Variants in SLAMF9 observed in about 807,000 individuals in gnomAD.
SLAMF9 encodes the protein CD2 family member 10.
SLAMF9 carries 25 observed loss-of-function variants against 30.4 expected under a neutral mutation model. The ratio of observed to expected loss-of-function variants is 0.82; its 90% CI spans 0.60 to 1.15. The LOEUF (loss-of-function observed/expected upper bound fraction) is 1.15. SLAMF9 is among the 50% of genes most tolerant of loss of function. The pLI, the probability that SLAMF9 is intolerant of heterozygous loss-of-function variation, is 0.00. For synonymous variants in SLAMF9, 129 were observed against 127.2 expected (o/e 1.01, Z -0.09); for missense variants, 344 against 346.1 (o/e 0.99, Z 0.05).
the SLAMF9 span, among the ~76,000 whole-genome samples, chr1:159,969,016 T>G: frequency 1.3e-5 from 2 of 150,780 alleles, no homozygotes; most frequent in African/African-American, 4.9e-5. Context: ...GACTCCAGCC[T>G]GAGTGACAAA....
chr1:159,982,939 G>T, the SLAMF9 span: 1 of 152,388 alleles, frequency 6.6e-6, no homozygotes, highest in South Asian at 2.1e-4. Flanking sequence ...TGAGGCAGGA[G>T]AATCGCTTGA....
the SLAMF9 span, among the ~76,000 whole-genome samples, chr1:159,981,972 C>T: frequency 2.6e-5 from 4 of 152,232 alleles, no homozygotes; most frequent in African/African-American, 9.6e-5. Context: ...TCTGAAGTCT[C>T]TCCTGACCAC....
upstream of SLAMF9, among the ~76,000 whole-genome samples, chr1:159,957,987 C>A (rs1651963466): frequency 6.6e-6 from 1 of 152,160 alleles, no homozygotes; most frequent in African/African-American, 2.4e-5. Flanking sequence ...CCAGAAGGGC[C>A]TCAGACCTTG....
At chr1:159,969,762 G>A in the SLAMF9 span, among the ~76,000 whole-genome samples, 1 of 152,164 alleles carries the variant, frequency 6.6e-6, no homozygotes, top group African/African-American at 2.4e-5. Context: ...GTGTTTATTA[G>A]CTGGGTGCAG....
At chr1:159,970,075 G>GATAA in the SLAMF9 span, among the ~76,000 whole-genome samples, 1 of 151,956 alleles carries the variant, frequency 6.6e-6, no homozygotes, top group Non-Finnish European at 1.5e-5. Flanking sequence ...TAAATAAATA[G>GATAA]ATAAATAAAT....
chr1:159,983,341 G>C, the SLAMF9 span: 1 of 152,190 alleles, frequency 6.6e-6, no homozygotes, highest in African/African-American at 2.4e-5. Flanking sequence ...AGTGGGTATT[G>C]AGTGGACCTG....
At chr1:159,967,750 G>A in the SLAMF9 span, among the ~76,000 whole-genome samples, 74 of 152,200 alleles carry the variant, frequency 4.9e-4, no homozygotes, top group African/African-American at 1.5e-3. Context: ...ATATCTTGCC[G>A]TTTATGTGTG....
Position 159,952,479 on chromosome 1 carries a change from G to A in SLAMF9, c.447C>T (p.Ala149=). The change falls in exon 3 of 4, where the codon GCC becomes GCT. Residue 149 remains alanine, a synonymous_variant. Transcript: ENST00000368093. The stretch of plus-strand genomic sequence containing the variant: ...CAGAGCACACCAGGGACATACTGCA[G>A]GCACCTTCCCCAGAACTCTCAAAGT... ...TVNFESSGEG[A]CSMSLVCSVE... The A allele has an allele frequency of 1.9e-6, 3 of 1,614,122 alleles. No homozygotes were observed. The highest frequency in any genetic ancestry group is 1.7e-5 in the Admixed American group (1 of 60,018).
chr1:159,961,308 C>G, the SLAMF9 span: 1 of 152,158 alleles, frequency 6.6e-6, no homozygotes, highest in African/African-American at 2.4e-5. Flanking sequence ...TAATAAAAGG[C>G]CAAACCTTTG....
At chr1:159,960,358 TG>T in the SLAMF9 span, among the ~76,000 whole-genome samples, 2 of 151,588 alleles carry the variant, frequency 1.3e-5, no homozygotes, top group Non-Finnish European at 2.9e-5. Flanking sequence ...TCATTTTTTA[TG>T]GCTGCATCTA....
chr1:159,953,692 T>C (rs770760189), intron 1 of SLAMF9, 39 bp from the exon 2 acceptor site: 8 of 1,543,094 alleles, frequency 5.2e-6, no homozygotes, highest in Non-Finnish European at 7.0e-6. Context: ...ACCCAGCTGC[T>C]GTCTCTGGGC....
At chr1:159,972,828 T>G in the SLAMF9 span, 1 of 914,828 alleles carries the variant, frequency 1.1e-6, no homozygotes, top group Non-Finnish European at 1.5e-6. Flanking sequence ...GAGCACAGGA[T>G]GGGACACAGG....
chr1:159,982,580 A>T, the SLAMF9 span, among the ~76,000 whole-genome samples: 6 of 152,290 alleles, frequency 3.9e-5, no homozygotes, highest in East Asian at 1.2e-3. Context: ...ATCTCTTATG[A>T]CATTTATCAA....
At chr1:159,976,502 T>C in the SLAMF9 span, 1 of 152,294 alleles carries the variant, frequency 6.6e-6, no homozygotes, top group East Asian at 1.9e-4. Flanking sequence ...ACTCATGGGC[T>C]AGGGTGAGGG....
At chr1:159,975,618 C>G in the SLAMF9 span, among the ~76,000 whole-genome samples, 1 of 152,028 alleles carries the variant, frequency 6.6e-6, no homozygotes, top group East Asian at 1.9e-4. Flanking sequence ...CATTCGAGAT[C>G]TGATGGCTGC....
the SLAMF9 span, among the ~76,000 whole-genome samples, chr1:159,976,369 A>G: frequency 2.6e-5 from 4 of 152,198 alleles, no homozygotes; most frequent in African/African-American, 9.7e-5. Flanking sequence ...CAACATGTGA[A>G]GCCATGTGTA....
At chr1:159,973,126 T>C in the SLAMF9 span, 2 of 1,531,068 alleles carry the variant, frequency 1.3e-6, no homozygotes, top group Non-Finnish European at 1.8e-6. Context: ...TGGGGGCCCC[T>C]GTCCTGCAAG....
chr1:159,971,277 G>A, the SLAMF9 span, among the ~76,000 whole-genome samples: 4 of 152,166 alleles, frequency 2.6e-5, no homozygotes, highest in South Asian at 2.1e-4. Flanking sequence ...CCTAGAGATC[G>A]GCAGCCCACA....
the SLAMF9 span, among the ~76,000 whole-genome samples, chr1:159,961,702 G>A: frequency 1.3e-5 from 2 of 152,180 alleles, no homozygotes; most frequent in Admixed American, 6.5e-5. Context: ...AGGATCCTTG[G>A]GGTGGGGGAG....
Sources: allele counts gnomAD v4.1 joint callset (sites outside exome capture counted in the v4.1 genomes callset), GRCh38; gene constraint gnomAD v4.1.1; transcripts MANE v1.5; gene names NCBI Gene and HGNC (gene_info 2026-07-23, HGNC 2026-07-21).